PARP1: variants seen among roughly 807,000 people sequenced by gnomAD.
PARP1 encodes poly(ADP-ribose) polymerase 1.
PARP1 carries 44 observed loss-of-function variants against 118.7 expected under a neutral mutation model. The ratio of observed to expected loss-of-function variants is 0.37; its 90% CI spans 0.29 to 0.48. PARP1 has a LOEUF of 0.48. Ranked by LOEUF, PARP1 falls within the 20% of genes least tolerant of loss-of-function variation. PARP1 has a pLI of 0.99. For synonymous variants in PARP1, 492 were observed against 483.2 expected, an observed-to-expected ratio of 1.02 and a Z score of -0.24; for missense variants, 1,100 against 1,272.4, an observed-to-expected ratio of 0.86 and a Z score of 2.06.
intron 15 of PARP1, among the ~76,000 whole-genome samples, chr1:226,369,909 T>C (rs1664343893): frequency 6.6e-6 from 1 of 151,318 alleles, no homozygotes; most frequent in South Asian, 2.1e-4. Context: ...TGAGCTGAGA[T>C]TGTGACACTG....
intron 19 of PARP1, 104 bp downstream of exon 19, chr1:226,364,898 C>T: frequency 2.3e-6 from 3 of 1,286,012 alleles, no homozygotes; most frequent in Non-Finnish European, 3.4e-6. Flanking sequence ...GAAAGGATGT[C>T]TGGCAGAATC....
Position 226,379,129 on chromosome 1 carries a change from C to G in PARP1, c.1745+13G>C. ...ATGTCTCTGCACAACCAGGCTACAC[C>G]TGCAGAACTCACCTGTTTTCCTTGT... is the stretch of plus-strand genomic sequence containing the variant. On this transcript the variant is annotated intron_variant, in intron 12 of 22. Coordinates refer to ENST00000366794, the MANE Select transcript of PARP1 (RefSeq NM_001618.4). 1 of 1,614,174 alleles carries G rather than the reference C, an allele frequency of 6.2e-7. No homozygotes were observed. Among genetic ancestry groups the G allele is most frequent in the South Asian group, 1.1e-5 (1 of 91,072 alleles).
At chr1:226,407,688 C>T (rs4653734) in intron 1 of PARP1, 122 bp downstream of exon 1, 1 of 961,572 alleles carries the variant, frequency 1.0e-6, no homozygotes, top group Non-Finnish European at 1.4e-6. Context: ...CCATAGGCCC[C>T]AAGTGCCGCT....
rs1465995201 is a variant in PARP1 at position 226,392,340 on chromosome 1, C to T, written c.287-26G>A. 41 of 1,527,508 alleles carry T rather than the reference C, an allele frequency of 2.7e-5. No individual in the cohort carries two copies. The Admixed American group carries it at 6.8e-4, about 25-fold the overall frequency. 94.6% of individuals were successfully genotyped at this position (1,527,508 alleles called of 1,614,324 possible). ...CTGGAGAATCAAACAGACAGCAATG[C>T]TCATCTCAACAGCCCCAAAATGCAG... is the stretch of plus-strand genomic sequence containing the variant. On this transcript the variant is annotated intron_variant, in intron 2 of 22. Coordinates refer to ENST00000366794, the MANE Select transcript of PARP1 (RefSeq NM_001618.4).
intron 2 of PARP1, among the ~76,000 whole-genome samples, chr1:226,396,114 G>A (rs1180807240): frequency 6.6e-6 from 1 of 152,212 alleles, no homozygotes. Flanking sequence ...GGGAGGCCGA[G>A]GCAGGTAGAT....
rs767350962 is a variant in PARP1, at chr1:226,361,525, TATC to T, written c.2977_2979del (p.Asp993del). The T allele has an allele frequency of 1.2e-6, 2 of 1,611,042 alleles. No homozygotes were observed. Among genetic ancestry groups the T allele is most frequent in the Non-Finnish European group, 1.7e-6 (2 of 1,177,238 alleles). On this transcript the variant is annotated inframe_deletion, in exon 23 of 23. Coordinates refer to ENST00000366794, the MANE Select transcript of PARP1 (RefSeq NM_001618.4). ...AGATACTTCAGATTTACCTGAGCAA[TATC>T]ATAGACAATGTACCTGAGGGGAAGC...
At position 226,405,908 on chromosome 1, in the gene PARP1, G is replaced by C. The variant is rs577549741; in HGVS notation, c.120+1902C>G. ...AGGTGCATGGATCGCTTGAGCTCAG[G>C]AGTTTGAGACCAGCCTGGGCAACAT... is the stretch of plus-strand genomic sequence containing the variant. On this transcript the variant is annotated intron_variant, in intron 1 of 22. Transcript: ENST00000366794. 2.0e-5 allele frequency among the ~76,000 whole-genome samples: 3 copies of C among 152,194 alleles called. No homozygotes were observed. In the East Asian group the frequency reaches 5.8e-4, roughly 29 times the overall value.
intron 12 of PARP1, 132 bp from the exon 13 acceptor site, chr1:226,377,435 GAACA>G (rs1407488397): frequency 1.4e-6 from 1 of 718,020 alleles, no homozygotes; most frequent in African/African-American, 1.7e-5. Flanking sequence ...GATTAACACA[GAACA>G]AACACAACTG....
At chr1:226,377,709 C>T (rs1398162544) in intron 12 of PARP1, among the ~76,000 whole-genome samples, 1 of 152,074 alleles carries the variant, frequency 6.6e-6, no homozygotes, top group East Asian at 1.9e-4. Context: ...AACTCAGATC[C>T]AAGGCCAAGA....
At chr1:226,396,165 G>C (rs1664913072) in intron 2 of PARP1, among the ~76,000 whole-genome samples, 1 of 152,138 alleles carries the variant, frequency 6.6e-6, no homozygotes, top group South Asian at 2.1e-4. Flanking sequence ...GGCCAACACA[G>C]TGAAACCCCA....
chr1:226,362,347 A>T, intron 21 of PARP1: 2 of 430,390 alleles, frequency 4.6e-6, no homozygotes, highest in South Asian at 4.3e-5. Context: ...CACCACACCC[A>T]GCTAATTTTC....
chr1:226,374,621 G>A (rs1372798293), intron 13 of PARP1, among the ~76,000 whole-genome samples: 1 of 152,158 alleles, frequency 6.6e-6, no homozygotes, highest in African/African-American at 2.4e-5. Flanking sequence ...GCGTCTGCAT[G>A]GGCTGACCCA....
chr1:226,406,166 T>A (rs1665142464), intron 1 of PARP1, among the ~76,000 whole-genome samples: 1 of 146,942 alleles, frequency 6.8e-6, no homozygotes, highest in Admixed American at 7.3e-5. Flanking sequence ...TCTGTAATTA[T>A]CACTGGTGAA....
At chr1:226,387,691 A>AG (rs1337420816) in intron 5 of PARP1, among the ~76,000 whole-genome samples, 2 of 152,154 alleles carry the variant, frequency 1.3e-5, no homozygotes, top group African/African-American at 2.4e-5. Flanking sequence ...TGGGTGACCA[A>AG]GGGGGGAGAG....
intron 7 of PARP1, among the ~76,000 whole-genome samples, 193 bp from the exon 8 acceptor site, chr1:226,383,376 C>T (rs1664656988): frequency 6.6e-6 from 1 of 152,064 alleles, no homozygotes. Context: ...GTACTTATTT[C>T]CGGTACTTTT....
chr1:226,370,665 C>T (rs781576148), intron 14 of PARP1, 148 bp from the exon 15 acceptor site: 2 of 707,350 alleles, frequency 2.8e-6, no homozygotes, highest in Non-Finnish European at 5.2e-6. Context: ...GACCCAAATC[C>T]AGAGTCTGTA....
At chr1:226,397,120 C>T (rs933929939) in intron 2 of PARP1, among the ~76,000 whole-genome samples, 2 of 146,540 alleles carry the variant, frequency 1.4e-5, no homozygotes, top group East Asian at 4.0e-4. Context: ...AGCAAGATCC[C>T]TTGGGCAACA....
intron 20 of PARP1, 98 bp from the exon 21 acceptor site, chr1:226,363,258 A>C: frequency 1.2e-6 from 1 of 855,024 alleles, no homozygotes; most frequent in South Asian, 1.3e-5. Flanking sequence ...GAGATGAGAT[A>C]AAAGTCCACA....
At chr1:226,388,327 G>A (rs1310235349) in intron 5 of PARP1, among the ~76,000 whole-genome samples, 1 of 152,230 alleles carries the variant, frequency 6.6e-6, no homozygotes, top group African/African-American at 2.4e-5. Flanking sequence ...CAAAGGTGCA[G>A]GGTGTACAGT....
Sources: allele counts gnomAD v4.1 joint callset (sites outside exome capture counted in the v4.1 genomes callset), GRCh38; gene constraint gnomAD v4.1.1; transcripts MANE v1.5; gene names NCBI Gene and HGNC (gene_info 2026-07-23, HGNC 2026-07-21).